EPC1: variants seen among roughly 807,000 people sequenced by gnomAD.
EPC1 encodes enhancer of polycomb 1, also known as enhancer of polycomb homolog 1.
EPC1 carries 12 observed loss-of-function variants against 98.4 expected under a neutral mutation model. The ratio of observed to expected loss-of-function variants is 0.12; its 90% CI spans 0.08 to 0.20. EPC1 has a LOEUF of 0.20. Ranked by LOEUF, EPC1 falls within the 10% of genes least tolerant of loss-of-function variation. The pLI, the probability that EPC1 is intolerant of heterozygous loss-of-function variation, is 1.00. For missense variants in EPC1, 729 were observed against 990.5 expected (o/e 0.74, Z 3.54); for synonymous variants, 357 against 363.9 (o/e 0.98, Z 0.21).
chr10:32,273,275 G>C lies in EPC1; in HGVS notation c.1751C>G (p.Thr584Arg). 1 of 1,613,914 alleles carries C rather than the reference G, an allele frequency of 6.2e-7. No homozygotes were observed. ...SSSGSAHFAF[T>R]AEQYQQHQQQ... ...TTGATGTTGCTGGTATTGTTCGGCT[G>C]TAAATGCTGAACATAAAATAAAGAA... is the stretch of plus-strand genomic sequence containing the variant. The change falls in exon 11 of 14, where the codon ACA becomes AGA. Residue 584 changes from threonine (T) to arginine (R), a missense_variant. Coordinates refer to ENST00000319778, the MANE Select transcript of EPC1 (RefSeq NM_001272004.3).
At chr10:32,364,826 A>C (rs1839551192) in intron 1 of EPC1, among the ~76,000 whole-genome samples, 1 of 152,150 alleles carries the variant, frequency 6.6e-6, no homozygotes, top group Non-Finnish European at 1.5e-5. Context: ...CCTGTGGGAC[A>C]CACGCAGCCC....
intron 10 of EPC1, among the ~76,000 whole-genome samples, chr10:32,276,404 C>T (rs909986653): frequency 6.6e-6 from 1 of 152,112 alleles, no homozygotes; most frequent in Non-Finnish European, 1.5e-5. Context: ...CCCAGCTACT[C>T]GGGAGGCTGA....
intron 10 of EPC1, chr10:32,282,074 A>T (rs564633026): frequency 6.6e-6 from 1 of 152,280 alleles, no homozygotes; most frequent in Non-Finnish European, 1.5e-5. Context: ...TGCAGAGAAA[A>T]GCTTTAGGTC....
At chr10:32,326,273 C>T (rs965935287) in intron 1 of EPC1, among the ~76,000 whole-genome samples, 1 of 152,060 alleles carries the variant, frequency 6.6e-6, no homozygotes, top group African/African-American at 2.4e-5. Context: ...GGGTTAGGTG[C>T]CTAATTCTGG....
chr10:32,292,954 A>G, intron 4 of EPC1, 34 bp downstream of exon 4: 1 of 1,356,540 alleles, frequency 7.4e-7, no homozygotes, highest in Non-Finnish European at 1.0e-6. Flanking sequence ...TTTTTATTAT[A>G]TAATTATCAA....
Position 32,284,708 on chromosome 10 carries a change from T to C in EPC1, c.1734A>G (p.Ser578=), listed in dbSNP as rs1836578303. 6.2e-7 allele frequency: 1 copy of C among 1,612,176 alleles called. No homozygotes were observed. Among genetic ancestry groups the C allele is most frequent in the Non-Finnish European group, 8.5e-7 (1 of 1,178,556 alleles). Residue 578 remains serine, a synonymous_variant, in exon 10 of 14, where the codon TCA becomes TCG. Coordinates refer to ENST00000319778, the MANE Select transcript of EPC1 (RefSeq NM_001272004.3). ...TSTQSKSSSG[S]AHFAFTAEQY... ...TAACAGTCAACATACCAAAGTGTGC[T>C]GAACCACTGCTACTTTTACTTTGCG...
intron 1 of EPC1, among the ~76,000 whole-genome samples, chr10:32,343,997 T>C (rs1340053520): frequency 6.6e-6 from 1 of 152,226 alleles, no homozygotes; most frequent in Admixed American, 6.5e-5. Context: ...CATACTTTTT[T>C]TTCTAAGACA....
chr10:32,269,138 G>A lies in EPC1; in HGVS notation c.2370-3C>T, dbSNP rs1478462987. 1 of 1,612,510 alleles carries A rather than the reference G, an allele frequency of 6.2e-7. No homozygotes were observed. The highest frequency in any genetic ancestry group is 8.5e-7 in the Non-Finnish European group (1 of 1,179,064). On this transcript the variant is annotated splice_polypyrimidine_tract_variant and splice_region_variant and intron_variant, in intron 13 of 13. Coordinates refer to ENST00000319778, the MANE Select transcript of EPC1 (RefSeq NM_001272004.3). ...GCTTTTCTGATTCATGATTTTCCCT[G>A]TTGAAATAAAGTTCAATCAATTACT... is the stretch of plus-strand genomic sequence containing the variant.
At chr10:32,364,432 C>T (rs2997518) in intron 1 of EPC1, among the ~76,000 whole-genome samples, 80,100 of 151,890 alleles carry the variant, frequency 0.53, 23,367 homozygotes, top group East Asian at 0.69. Flanking sequence ...TAAAAATTAA[C>T]CCATGCTAGG....
intron 1 of EPC1, among the ~76,000 whole-genome samples, chr10:32,326,551 T>C (rs1231425372): frequency 1.3e-5 from 2 of 152,110 alleles, no homozygotes; most frequent in East Asian, 1.9e-4. Flanking sequence ...CAAATATAAA[T>C]TGGTACCTGG....
chr10:32,298,086 C>T (rs550507629), intron 2 of EPC1, among the ~76,000 whole-genome samples: 5 of 152,218 alleles, frequency 3.3e-5, no homozygotes, highest in East Asian at 3.9e-4. Flanking sequence ...CGTGAGCCAC[C>T]GCGCCTGGCC....
chr10:32,271,467 AAC>A, intron 13 of EPC1, 85 bp downstream of exon 13: 1 of 1,404,334 alleles, frequency 7.1e-7, no homozygotes, highest in South Asian at 1.4e-5. Flanking sequence ...AAGAACAAGA[AAC>A]ACAAAGAAAT....
intron 1 of EPC1, among the ~76,000 whole-genome samples, chr10:32,313,715 G>A (rs1019703710): frequency 3.9e-5 from 6 of 151,948 alleles, no homozygotes; most frequent in East Asian, 1.9e-4. Context: ...GTGAAACACC[G>A]CCTCTACTAA....
Position 32,284,824 on chromosome 10 carries a change from C to T in EPC1, c.1618G>A (p.Asp540Asn), listed in dbSNP as rs1836588636. The part of the protein sequence containing the change: ...RPRTPSLHDS[D>N]NDELSCRKLY... ...TTTCTACAGGAGAGTTCATCATTGT[C>T]ACTGTCATGTAGGGATGGTGTCCGA... Residue 540 changes from aspartate to asparagine, a missense_variant, in exon 10 of 14, where the codon GAC becomes AAC. This residue lies in a region of EPC1 where 390 missense variants were observed against 438.6 expected (regional missense o/e 0.89). Coordinates refer to ENST00000319778, the MANE Select transcript of EPC1 (RefSeq NM_001272004.3). 8 of 1,614,176 alleles carry T rather than the reference C, an allele frequency of 5.0e-6. No individual in the cohort carries two copies. The highest frequency in any genetic ancestry group is 1.6e-4 in the Middle Eastern group (1 of 6,062).
chr10:32,340,932 T>A (rs1404540162), intron 1 of EPC1, among the ~76,000 whole-genome samples: 2 of 19,060 alleles, frequency 1.0e-4, no homozygotes, highest in Non-Finnish European at 3.4e-4. Flanking sequence ...AAAGTTATTG[T>A]TATCAATGCA....
upstream of EPC1, among the ~76,000 whole-genome samples, chr10:32,348,577 C>A (rs1159042646): frequency 6.6e-6 from 1 of 152,186 alleles, no homozygotes; most frequent in African/African-American, 2.4e-5. Context: ...TTGCAGTTCT[C>A]CAAAATTATA....
intron 1 of EPC1, among the ~76,000 whole-genome samples, chr10:32,363,497 T>G (rs1476611615): frequency 6.6e-6 from 1 of 152,176 alleles, no homozygotes; most frequent in African/African-American, 2.4e-5. Flanking sequence ...AATGCTAAGC[T>G]GGGTTTATGC....
upstream of EPC1, among the ~76,000 whole-genome samples, chr10:32,351,127 C>T (rs1839097458): frequency 1.3e-5 from 2 of 152,198 alleles, no homozygotes. Flanking sequence ...CCTGGGGCCT[C>T]ACAATGCATG....
chr10:32,369,361 G>A (rs553976991), intron 1 of EPC1, among the ~76,000 whole-genome samples: 3 of 152,142 alleles, frequency 2.0e-5, no homozygotes, highest in Admixed American at 6.5e-5. Context: ...GAAATGATAC[G>A]ACTCAATATC....
Sources: allele counts gnomAD v4.1 joint callset (sites outside exome capture counted in the v4.1 genomes callset), GRCh38; gene constraint gnomAD v4.1.1; regional missense constraint gnomAD v4.1.1; transcripts MANE v1.5; gene names NCBI Gene and HGNC (gene_info 2026-07-23, HGNC 2026-07-21).